Variants in PUDP observed in about 807,000 individuals in gnomAD.
The protein encoded by PUDP is pseudouridine 5'-phosphatase.
Under a neutral mutation model 9.4 loss-of-function variants are expected in PUDP, and 8 were observed. The ratio of observed to expected loss-of-function variants is 0.85; its 90% CI spans 0.50 to 1.53. The LOEUF is 1.53. Ranked by LOEUF, PUDP falls within the 40% of genes most tolerant of loss-of-function variation. PUDP has a pLI of 0.00. For missense variants in PUDP, 188 were observed against 189.7 expected (o/e 0.99, Z 0.05); for synonymous variants, 99 against 80.7 (o/e 1.23, Z -1.22).
chrX:6,929,100 A>C (rs1339830771), intron 3 of PUDP, among the ~76,000 whole-genome samples: 1 of 112,489 alleles, frequency 8.9e-6, no homozygotes, highest in East Asian at 2.8e-4. Context: ...ACCACATTAC[A>C]CAGGAGCTAC....
At chrX:7,110,304 A>G (rs1399417338) in intron 1 of PUDP, among the ~76,000 whole-genome samples, 1 of 112,359 alleles carries the variant, frequency 8.9e-6, no homozygotes, top group Non-Finnish European at 1.9e-5. Context: ...ACATTTTATA[A>G]CTGAAAATGT....
intron 3 of PUDP, among the ~76,000 whole-genome samples, chrX:7,057,392 G>A (rs1602736323): frequency 9.1e-6 from 1 of 109,965 alleles, no homozygotes; most frequent in Non-Finnish European, 1.9e-5. Flanking sequence ...TCCCCCTAAC[G>A]CATTACACTG....
chrX:7,076,706 A>C (rs1432686932), intron 3 of PUDP, among the ~76,000 whole-genome samples: 2 of 111,949 alleles, frequency 1.8e-5, no homozygotes, highest in African/African-American at 6.5e-5. Flanking sequence ...GCCACTTTCC[A>C]ATGGAGAAAT....
At chrX:7,012,972 T>TAG (rs1929499259) in intron 1 of PUDP, among the ~76,000 whole-genome samples, 1 of 111,638 alleles carries the variant, frequency 9.0e-6, no homozygotes, top group Non-Finnish European at 1.9e-5. Context: ...CCTATGTGAG[T>TAG]AGCATTAAGT....
At chrX:6,751,115 C>G (rs192799165) in intron 3 of PUDP, among the ~76,000 whole-genome samples, 202 of 106,838 alleles carry the variant, frequency 1.9e-3, no homozygotes, top group Non-Finnish European at 2.7e-3. Context: ...GCACTCCAGC[C>G]TGGGTGACAG....
At chrX:6,793,078 A>G (rs1429803810) in intron 3 of PUDP, among the ~76,000 whole-genome samples, 2 of 112,392 alleles carry the variant, frequency 1.8e-5, no homozygotes, top group East Asian at 5.6e-4. Context: ...AGGCTGGAAG[A>G]CCAAGATTAA....
chrX:7,002,645 A>C (rs1032317319), intron 1 of PUDP, among the ~76,000 whole-genome samples: 1 of 111,301 alleles, frequency 9.0e-6, no homozygotes, highest in African/African-American at 3.3e-5. Context: ...TATTTCTGGG[A>C]AAGTTAAATT....
At chrX:7,126,060 T>A (rs1242774260) in intron 1 of PUDP, among the ~76,000 whole-genome samples, 2 of 111,837 alleles carry the variant, frequency 1.8e-5, no homozygotes, top group African/African-American at 3.3e-5. Context: ...ATTACATTTT[T>A]AAAAAATTTA....
intron 1 of PUDP, among the ~76,000 whole-genome samples, chrX:7,009,695 T>G (rs1929450290): frequency 9.0e-6 from 1 of 111,057 alleles, no homozygotes; most frequent in Admixed American, 9.6e-5. Context: ...GAGCTGCATG[T>G]CCTTTGAAAT....
At chrX:7,014,439 CA>C (rs1929520560) in intron 1 of PUDP, among the ~76,000 whole-genome samples, 1 of 110,862 alleles carries the variant, frequency 9.0e-6, no homozygotes, top group African/African-American at 3.3e-5. Flanking sequence ...TGAATGCACT[CA>C]ATCTACTAGG....
chrX:7,045,017 GCT>G (rs1278520534), downstream of PUDP, among the ~76,000 whole-genome samples: 1 of 111,919 alleles, frequency 8.9e-6, no homozygotes, highest in Non-Finnish European at 1.9e-5. Context: ...CTGTGGTTTC[GCT>G]CTGTGTCCCC....
At chrX:6,898,739 CA>C in intron 3 of PUDP, among the ~76,000 whole-genome samples, 1 of 108,821 alleles carries the variant, frequency 9.2e-6, no homozygotes, top group East Asian at 2.8e-4. Flanking sequence ...TTTAATTTCA[CA>C]GAATTTTTGT....
intron 1 of PUDP, among the ~76,000 whole-genome samples, chrX:6,985,294 A>G (rs1303337757): frequency 8.9e-6 from 1 of 111,781 alleles, no homozygotes; most frequent in Non-Finnish European, 1.9e-5. Context: ...CATTTAATCT[A>G]TAACTAAGAT....
intron 1 of PUDP, among the ~76,000 whole-genome samples, chrX:7,144,185 C>G (rs1353923299): frequency 9.0e-6 from 1 of 111,450 alleles, no homozygotes; most frequent in African/African-American, 3.3e-5. Flanking sequence ...CTTAGAAATC[C>G]CACTTGGAAT....
At chrX:6,763,653 T>C (rs1009226561) in intron 3 of PUDP, among the ~76,000 whole-genome samples, 5 of 111,609 alleles carry the variant, frequency 4.5e-5, no homozygotes, top group Non-Finnish European at 9.4e-5. Flanking sequence ...CGCTTCCCTA[T>C]CATTGAGCAC....
chrX:6,993,380 T>TG (rs1929211675), intron 1 of PUDP, among the ~76,000 whole-genome samples: 1 of 111,759 alleles, frequency 8.9e-6, no homozygotes, highest in African/African-American at 3.3e-5. Flanking sequence ...GATAACAAAA[T>TG]GTAACGAAAT....
At chrX:6,765,104 CA>C (rs202172369) in intron 3 of PUDP, among the ~76,000 whole-genome samples, 3,087 of 86,801 alleles carry the variant, frequency 0.036, 64 homozygotes, top group African/African-American at 0.075. Context: ...GCACCTCTAC[CA>C]AAAAAAAAAA....
At chrX:6,966,176 AT>A (rs1928781450) in intron 3 of PUDP, among the ~76,000 whole-genome samples, 1 of 110,556 alleles carries the variant, frequency 9.0e-6, no homozygotes, top group South Asian at 3.8e-4. Flanking sequence ...TATCACATAT[AT>A]ATATTTTATA....
intron 3 of PUDP, among the ~76,000 whole-genome samples, chrX:6,763,656 T>C (rs149108877): frequency 9.0e-6 from 1 of 111,723 alleles, no homozygotes; most frequent in African/African-American, 3.2e-5. Flanking sequence ...TTCCCTATCA[T>C]TGAGCACCAT....
Sources: gnomAD v4.1 joint callset for allele counts (sites outside exome capture counted in the v4.1 genomes callset) on GRCh38, gnomAD v4.1.1 for gene constraint, MANE v1.5 for transcripts, NCBI Gene and HGNC (gene_info 2026-07-23, HGNC 2026-07-21) for gene names.